Variants in USP45 observed in about 807,000 individuals in gnomAD.
The protein encoded by USP45 is ubiquitin specific peptidase 45.
A neutral mutation model predicts 95.8 loss-of-function variants in USP45; 89 were observed. The ratio of observed to expected loss-of-function variants is 0.93; its 90% CI spans 0.78 to 1.11. The LOEUF is 1.11. USP45 is among the 50% of genes least tolerant of loss of function. The pLI is 0.00. For synonymous variants in USP45, 281 were observed against 316.2 expected, an observed-to-expected ratio of 0.89 and a Z score of 1.18; for missense variants, 898 against 942.5, an observed-to-expected ratio of 0.95 and a Z score of 0.62.
intron 7 of USP45, among the ~76,000 whole-genome samples, chr6:99,487,514 G>A (rs928631764): frequency 1.1e-4 from 16 of 152,094 alleles, no homozygotes; most frequent in African/African-American, 3.4e-4. Context: ...ATGTGGCCGG[G>A]CGTGGTGGCT....
rs1206585374 is a variant in USP45 at position 99,500,159 on chromosome 6, C to CT, written c.478+3605dup. On this transcript the variant is annotated intron_variant, in intron 5 of 17. Coordinates refer to ENST00000500704, the MANE Select transcript of USP45 (RefSeq NM_001346022.3). ...TTCTTTTTTTTGAGACAGTCTCACT[C>CT]TGTCGCCCAGGCTGGCATGCAGTGG... Among the ~76,000 whole-genome samples, 6 of 152,296 alleles carry CT rather than the reference C, an allele frequency of 3.9e-5. No homozygotes were observed. The East Asian group carries it at 1.2e-3, about 29-fold the overall frequency.
rs367589353 is a variant in USP45, at chr6:99,464,680, C to T, written c.1232G>A (p.Arg411Gln). ...YRSLRETDHD[R>Q]YSGNVTIENI... ...TTCTATAGTAACATTGCCACTGTAT[C>T]GATCATGATCTGTCTCCCGTAAACT... Residue 411 changes from arginine to glutamine, a missense_variant, in exon 13 of 18, where the codon CGA (arginine) becomes CAA (glutamine). Arg to Gln is a conservative substitution (Grantham distance 43). Coordinates refer to ENST00000500704, the MANE Select transcript of USP45 (RefSeq NM_001346022.3). 15 of 1,612,842 alleles carry T rather than the reference C, an allele frequency of 9.3e-6. No individual in the cohort carries two copies. Among genetic ancestry groups the T allele is most frequent in the Admixed American group, 8.3e-5 (5 of 59,968 alleles).
chr6:99,463,977 T>C (rs1787230252), intron 13 of USP45, among the ~76,000 whole-genome samples: 1 of 152,082 alleles, frequency 6.6e-6, no homozygotes, highest in Non-Finnish European at 1.5e-5. Flanking sequence ...ATTTTTGATA[T>C]GATAATGGTA....
intron 15 of USP45, 30 bp from the exon 16 acceptor site, chr6:99,439,885 C>T (rs756374799): frequency 4.7e-5 from 72 of 1,538,562 alleles, no homozygotes; most frequent in Non-Finnish European, 6.4e-5. Flanking sequence ...TTTTGAAATG[C>T]AACAATTAGA....
At chr6:99,494,263 C>T (rs1248893047) in intron 5 of USP45, among the ~76,000 whole-genome samples, 1 of 152,148 alleles carries the variant, frequency 6.6e-6, no homozygotes, top group African/African-American at 2.4e-5. Context: ...TCATCCTTTA[C>T]ATAAAAAGAT....
At chr6:99,483,487 C>T (rs1792939514) in intron 7 of USP45, among the ~76,000 whole-genome samples, 1 of 152,140 alleles carries the variant, frequency 6.6e-6, no homozygotes, top group Admixed American at 6.5e-5. Flanking sequence ...ATAACACTTT[C>T]TCCTAAAGGA....
chr6:99,506,688 T>C (rs1798596124), intron 4 of USP45, among the ~76,000 whole-genome samples: 1 of 152,164 alleles, frequency 6.6e-6, no homozygotes, highest in Non-Finnish European at 1.5e-5. Context: ...ACAGGTAACA[T>C]AGGAAACTGG....
At position 99,488,313 on chromosome 6, in the gene USP45, TAA is replaced by T. The variant is rs568183387; in HGVS notation, c.619-20_619-19del. ...GCCAAGTTCTAAAAGAAAACAAAATTAAAGTCTTCAGATTCAGTTAAAATATG... is the reference window on the plus strand; with the variant it reads ...GCCAAGTTCTAAAAGAAAACAAAATTAGTCTTCAGATTCAGTTAAAATATG... On this transcript the variant is annotated intron_variant, in intron 6 of 17. Coordinates refer to ENST00000500704, the MANE Select transcript of USP45 (RefSeq NM_001346022.3). The T allele has an allele frequency of 7.1e-5, 109 of 1,530,360 alleles. 2 individuals carry two copies. The South Asian group carries it at 1.2e-3, about 17-fold the overall frequency. 94.8% of individuals were successfully genotyped at this position (1,530,360 alleles called of 1,614,324 possible). A position where few individuals can be genotyped will look rare whatever the true frequency, so the allele number is the denominator to read the frequency against.
intron 14 of USP45, among the ~76,000 whole-genome samples, chr6:99,445,505 A>G (rs2128551177): frequency 6.6e-6 from 1 of 151,166 alleles, no homozygotes; most frequent in African/African-American, 2.4e-5. Flanking sequence ...AAAAAGTTGT[A>G]GGGATATTTC....
chr6:99,484,222 T>C (rs1244962650), intron 7 of USP45, among the ~76,000 whole-genome samples: 1 of 151,216 alleles, frequency 6.6e-6, no homozygotes, highest in Admixed American at 6.6e-5. Context: ...CAGGCTGGAG[T>C]GCAGTGGTGC....
intron 6 of USP45, 64 bp downstream of exon 6, chr6:99,488,617 A>G: frequency 6.7e-7 from 1 of 1,489,234 alleles, no homozygotes; most frequent in Non-Finnish European, 9.1e-7. Context: ...TCTACAGGTG[A>G]GCCAATGACT....
intron 1 of USP45, among the ~76,000 whole-genome samples, chr6:99,514,483 T>C (rs1800678995): frequency 6.6e-6 from 1 of 151,936 alleles, no homozygotes; most frequent in Admixed American, 6.6e-5. Context: ...AGGCCTGCTA[T>C]GTTAACTCTT....
At chr6:99,475,229 G>T (rs148185740) in intron 9 of USP45, among the ~76,000 whole-genome samples, 22 of 151,574 alleles carry the variant, frequency 1.5e-4, no homozygotes, top group Middle Eastern at 3.4e-3. Flanking sequence ...AGGATAATAA[G>T]AAGAATGCTT....
intron 13 of USP45, among the ~76,000 whole-genome samples, chr6:99,464,031 G>C (rs1322462843): frequency 6.6e-6 from 1 of 151,954 alleles, no homozygotes; most frequent in African/African-American, 2.4e-5. Flanking sequence ...TTAGTGCTGG[G>C]CGCAGTGGCT....
intron 15 of USP45, 33 bp from the exon 16 acceptor site, chr6:99,439,888 C>A (rs778078385): frequency 2.8e-5 from 43 of 1,526,652 alleles, no homozygotes; most frequent in Non-Finnish European, 3.3e-5. Context: ...TGAAATGCAA[C>A]AATTAGAAAT....
intron 14 of USP45, 152 bp downstream of exon 14, chr6:99,445,645 T>C: frequency 1.7e-6 from 1 of 603,896 alleles, no homozygotes; most frequent in Non-Finnish European, 2.7e-6. Flanking sequence ...TGCCCAGTAT[T>C]GTAAGCGCTC....
rs186129820 is a variant in USP45, at chr6:99,477,404, A to G, written c.846-1174T>C. On this transcript the variant is annotated intron_variant, in intron 8 of 17. Transcript: ENST00000500704. ...CTGCAACCTCCGCCTCCTGGGTTCA[A>G]GCAATTCTCCTGCCTCAGCCTCCTG... Among the ~76,000 whole-genome samples the G allele has an allele frequency of 8.4e-3, 1,284 of 152,242 alleles. 17 individuals carry two copies. Among genetic ancestry groups the G allele is most frequent in the African/African-American group, 0.029 (1,184 of 41,534 alleles).
chr6:99,491,699 G>A (rs1450707613), intron 5 of USP45, among the ~76,000 whole-genome samples: 3 of 152,044 alleles, frequency 2.0e-5, no homozygotes, highest in Non-Finnish European at 4.4e-5. Flanking sequence ...AGTAGGTCAA[G>A]ATTCTTACAG....
rs892028889 is a variant in USP45, at chr6:99,446,266, A to G, written c.1506T>C (p.Asp502=). 7 of 1,614,222 alleles carry G rather than the reference A, an allele frequency of 4.3e-6. No individual in the cohort carries two copies. Among genetic ancestry groups the G allele is most frequent in the Non-Finnish European group, 5.1e-6 (6 of 1,180,036 alleles). The change falls in exon 14 of 18, where the codon GAT becomes GAC. Residue 502 remains aspartate (D), a synonymous_variant. Coordinates refer to ENST00000500704, the MANE Select transcript of USP45 (RefSeq NM_001346022.3). The stretch of plus-strand genomic sequence containing the variant: ...CAGATTCTGAAGGCTCACTGTCAGC[A>G]TCAACATTGCTTTCAGAATGGCTGG... The part of the protein sequence containing the change: ...KEASHSESNV[D]ADSEPSESES...
Sources: gnomAD v4.1 joint callset for allele counts (sites outside exome capture counted in the v4.1 genomes callset) on GRCh38, gnomAD v4.1.1 for gene constraint, MANE v1.5 for transcripts, NCBI Gene and HGNC (gene_info 2026-07-23, HGNC 2026-07-21) for gene names.